Variants in LRMDA observed in about 807,000 individuals in gnomAD.
LRMDA encodes the protein leucine-rich melanocyte differentiation-associated protein.
LRMDA carries 18 observed loss-of-function variants against 29.8 expected under a neutral mutation model. The observed-to-expected ratio is 0.60, with a 90% CI of 0.42 to 0.90. LRMDA has a LOEUF of 0.90. Ranked by LOEUF, LRMDA falls within the 40% of genes least tolerant of loss-of-function variation. LRMDA has a pLI of 0.00. For missense variants in LRMDA, 273 were observed against 273.9 expected, an observed-to-expected ratio of 1.00 and a Z score of 0.02; for synonymous variants, 125 against 109.4, an observed-to-expected ratio of 1.14 and a Z score of -0.89.
chr10:75,564,306 C>T lies in LRMDA; in HGVS notation c.131+125812C>T, dbSNP rs559529966. On this transcript the variant is annotated intron_variant, in intron 2 of 6. Coordinates refer to ENST00000611255, the MANE Select transcript of LRMDA (RefSeq NM_001305581.2). ...CTCAGACTGCTGTGCTGGCAATCAT[C>T]GAGACTCTGTGGGCATAGGACCCTC... Among the ~76,000 whole-genome samples, 7 of 152,310 alleles carry T rather than the reference C, an allele frequency of 4.6e-5. No individual in the cohort carries two copies. The East Asian group carries it at 5.8e-4, about 13-fold the overall frequency.
chr10:76,208,771 C>G (rs2132242626), intron 5 of LRMDA, among the ~76,000 whole-genome samples: 1 of 152,220 alleles, frequency 6.6e-6, no homozygotes, highest in South Asian at 2.1e-4. Flanking sequence ...ACCACCAATC[C>G]CATATTTTTC....
At chr10:76,512,197 G>A (rs1416389112) in intron 6 of LRMDA, among the ~76,000 whole-genome samples, 3 of 152,138 alleles carry the variant, frequency 2.0e-5, no homozygotes, top group Admixed American at 6.5e-5. Context: ...TTCATCTCCT[G>A]CCATGATTCT....
chr10:76,106,931 G>T (rs1335468566), intron 5 of LRMDA, among the ~76,000 whole-genome samples: 1 of 152,204 alleles, frequency 6.6e-6, no homozygotes, highest in Non-Finnish European at 1.5e-5. Flanking sequence ...AGTCCTCAGA[G>T]GCAGGGGCTG....
At chr10:76,078,792 C>T (rs575162847) in intron 5 of LRMDA, among the ~76,000 whole-genome samples, 14 of 152,212 alleles carry the variant, frequency 9.2e-5, no homozygotes, top group African/African-American at 2.6e-4. Flanking sequence ...GCTGAGATCG[C>T]GCCATGCACT....
At chr10:75,753,260 AAGT>A (rs1337918564) in intron 2 of LRMDA, among the ~76,000 whole-genome samples, 1 of 152,204 alleles carries the variant, frequency 6.6e-6, no homozygotes, top group East Asian at 1.9e-4. Context: ...TGCTGAGAAT[AAGT>A]AGTACCTAAG....
At chr10:75,802,366 C>CAA (rs1369600502) in intron 2 of LRMDA, among the ~76,000 whole-genome samples, 2 of 146,116 alleles carry the variant, frequency 1.4e-5, no homozygotes, top group East Asian at 4.1e-4. Context: ...CACACACACA[C>CAA]AATAGGGAAG....
At chr10:75,857,943 T>G (rs1405319928) in intron 2 of LRMDA, among the ~76,000 whole-genome samples, 1 of 152,240 alleles carries the variant, frequency 6.6e-6, no homozygotes, top group Non-Finnish European at 1.5e-5. Flanking sequence ...GCAAGTTGTG[T>G]AGTTTCATGG....
chr10:76,501,235 A>AAT (rs1489384048), intron 6 of LRMDA, among the ~76,000 whole-genome samples: 1 of 149,806 alleles, frequency 6.7e-6, no homozygotes, highest in African/African-American at 2.4e-5. Context: ...CAGCATTCTA[A>AAT]GGTGAACATA....
chr10:76,091,864 A>T (rs557573940), intron 5 of LRMDA, among the ~76,000 whole-genome samples: 1,295 of 128,352 alleles, frequency 0.01, 9 homozygotes, highest in Middle Eastern at 0.037. Context: ...TTAAAAAAAA[A>T]ATTTTTTTGT....
intron 2 of LRMDA, among the ~76,000 whole-genome samples, chr10:75,442,318 A>G (rs1844335470): frequency 5.3e-5 from 8 of 152,212 alleles, no homozygotes; most frequent in Admixed American, 5.2e-4. Context: ...CAAGTATACA[A>G]TACAGTAATA....
chr10:75,898,537 C>A (rs1845620614), intron 2 of LRMDA, among the ~76,000 whole-genome samples: 2 of 152,088 alleles, frequency 1.3e-5, no homozygotes, highest in South Asian at 4.1e-4. Context: ...GCTTTGCCTG[C>A]CGGGAAAGCA....
intron 6 of LRMDA, among the ~76,000 whole-genome samples, chr10:76,408,028 G>A (rs542387823): frequency 6.6e-6 from 1 of 152,132 alleles, no homozygotes; most frequent in Non-Finnish European, 1.5e-5. Context: ...AAGAACGCAA[G>A]TTTCCCTACT....
At chr10:76,153,869 A>G (rs189461122) in intron 5 of LRMDA, among the ~76,000 whole-genome samples, 1 of 152,326 alleles carries the variant, frequency 6.6e-6, no homozygotes, top group Non-Finnish European at 1.5e-5. Flanking sequence ...CAGAGTGACT[A>G]TTCCTGAGAC....
intron 2 of LRMDA, among the ~76,000 whole-genome samples, chr10:75,579,003 G>T (rs1329080431): frequency 2.6e-5 from 4 of 152,092 alleles, no homozygotes; most frequent in African/African-American, 9.7e-5. Flanking sequence ...ACAATTCAAA[G>T]AACTAGAGAA....
chr10:75,526,544 T>A (rs910877818), intron 2 of LRMDA, among the ~76,000 whole-genome samples: 7 of 151,948 alleles, frequency 4.6e-5, no homozygotes, highest in African/African-American at 9.7e-5. Context: ...CATATTTAAT[T>A]GTTTGGTTAA....
At chr10:76,444,909 GTACATATA>G (rs1042740199) in intron 6 of LRMDA, among the ~76,000 whole-genome samples, 2 of 151,898 alleles carry the variant, frequency 1.3e-5, no homozygotes, top group African/African-American at 4.8e-5. Context: ...TTGTATTCAT[GTACATATA>G]TACATATATG....
In LRMDA at chr10:76,420,706, T is replaced by G. The variant is rs79552822; in HGVS notation, c.601+96221T>G. Among the ~76,000 whole-genome samples the G allele has an allele frequency of 7.8e-3, 1,188 of 152,266 alleles. 10 individuals are homozygous for G. The highest frequency in any genetic ancestry group is 0.027 in the African/African-American group (1,111 of 41,580). ...CGTGGCTTTAGCTGTATCCTACATT[T>G]TTTTATGACATACTTTCATAGTCAT... On this transcript the variant is annotated intron_variant, in intron 6 of 6. Transcript: ENST00000611255.
rs1051850973 is a variant in LRMDA at position 76,426,038 on chromosome 10, T to G, written c.601+101553T>G. Among the ~76,000 whole-genome samples the G allele has an allele frequency of 2.0e-5, 3 of 152,208 alleles. No individual in the cohort carries two copies. In the South Asian group the frequency reaches 6.2e-4, roughly 32 times the overall value. On this transcript the variant is annotated intron_variant, in intron 6 of 6. Transcript: ENST00000611255. ...TGGGTTGGTTCCAAGTCTTTGCTATTGTGAGTAGTGCCGCAAATAAACATA... is the reference window on the plus strand; with the variant it reads ...TGGGTTGGTTCCAAGTCTTTGCTATGGTGAGTAGTGCCGCAAATAAACATA...
intron 2 of LRMDA, among the ~76,000 whole-genome samples, chr10:75,560,566 C>T (rs1215371667): frequency 6.6e-6 from 1 of 151,726 alleles, no homozygotes; most frequent in African/African-American, 2.4e-5. Flanking sequence ...ACTTCCAACA[C>T]TATGTTGAAT....
Sources: allele counts gnomAD v4.1 joint callset (sites outside exome capture counted in the v4.1 genomes callset), GRCh38; gene constraint gnomAD v4.1.1; transcripts MANE v1.5; gene names NCBI Gene and HGNC (gene_info 2026-07-23, HGNC 2026-07-21).